The following AAK1 variants were observed in gnomAD, a reference collection of about 807,000 sequenced individuals.
The protein encoded by AAK1 is AP2-associated protein kinase 1.
Under a neutral mutation model 116.0 loss-of-function variants are expected in AAK1, and 37 were observed. That is an observed-to-expected ratio of 0.32 (90% CI 0.25 to 0.42). AAK1 has a LOEUF of 0.42. AAK1 is among the 10% of genes least tolerant of loss of function. The pLI is 1.00. For synonymous variants in AAK1, 458 were observed against 439.9 expected (o/e 1.04, Z -0.51); for missense variants, 919 against 1,170.6 (o/e 0.79, Z 3.14).
At chr2:69,520,186 C>A (rs1669699366) in intron 11 of AAK1, 1 of 219,200 alleles carries the variant, frequency 4.6e-6, no homozygotes, top group Non-Finnish European at 9.8e-6. Flanking sequence ...AGTCTTATTT[C>A]TTTAAAGGCA....
chr2:69,618,671 G>A (rs1367084389), intron 2 of AAK1, among the ~76,000 whole-genome samples: 1 of 151,562 alleles, frequency 6.6e-6, no homozygotes, highest in Non-Finnish European at 1.5e-5. Context: ...AACATTCACG[G>A]ATGCCTGTAG....
chr2:69,607,434 C>T (rs1040303602), intron 2 of AAK1, among the ~76,000 whole-genome samples: 2 of 152,078 alleles, frequency 1.3e-5, no homozygotes, highest in Admixed American at 6.6e-5. Context: ...TCTGATGATG[C>T]GTTAACACTT....
chr2:69,530,770 C>T, intron 6 of AAK1, 64 bp from the exon 7 acceptor site: 1 of 1,299,302 alleles, frequency 7.7e-7, no homozygotes, highest in Non-Finnish European at 1.1e-6. Flanking sequence ...CCAGGAGCAG[C>T]AGAAATACTT....
chr2:69,548,729 C>T (rs903672174), intron 3 of AAK1, among the ~76,000 whole-genome samples: 1 of 152,044 alleles, frequency 6.6e-6, no homozygotes, highest in Non-Finnish European at 1.5e-5. Flanking sequence ...CTCAGCCTCC[C>T]AAGTAGCTGG....
At chr2:69,580,464 A>G (rs1049242467) in intron 2 of AAK1, among the ~76,000 whole-genome samples, 1 of 152,196 alleles carries the variant, frequency 6.6e-6, no homozygotes, top group African/African-American at 2.4e-5. Flanking sequence ...CGGAAACCAT[A>G]TGGTGCCATA....
intron 3 of AAK1, among the ~76,000 whole-genome samples, chr2:69,555,414 C>G (rs541205148): frequency 6.6e-6 from 1 of 152,318 alleles, no homozygotes; most frequent in Admixed American, 6.5e-5. Flanking sequence ...TTTCAGAAGT[C>G]CAACTGCAGC....
chr2:69,485,659 CT>C (rs1178344901), intron 17 of AAK1, among the ~76,000 whole-genome samples: 2,099 of 144,566 alleles, frequency 0.015, 39 homozygotes, highest in African/African-American at 0.047. Flanking sequence ...GAAAATCTCT[CT>C]TTTTTTTTTT....
intron 2 of AAK1, among the ~76,000 whole-genome samples, chr2:69,576,458 A>G (rs1672320253): frequency 6.6e-6 from 1 of 151,944 alleles, no homozygotes. Flanking sequence ...TAAGCCCAGT[A>G]CCCAATAGTT....
chr2:69,501,062 C>G (rs928506683), intron 16 of AAK1, among the ~76,000 whole-genome samples: 3 of 152,150 alleles, frequency 2.0e-5, no homozygotes, highest in African/African-American at 7.2e-5. Context: ...CTGTGACCCT[C>G]TTTCCAGACA....
Position 69,470,190 on chromosome 2 carries a change from G to C in AAK1, c.*5679C>G, listed in dbSNP as rs1674628600. On this transcript the variant is annotated 3_prime_UTR_variant, in exon 22 of 22. Coordinates refer to ENST00000409085, the MANE Select transcript of AAK1 (RefSeq NM_014911.5). ...CCTCATACCAAAAACTGAAAGAACGGTTACAGGGAGTATCAAAGATATGAT... is the reference window on the plus strand; with the variant it reads ...CCTCATACCAAAAACTGAAAGAACGCTTACAGGGAGTATCAAAGATATGAT... 1 of 985,250 alleles carries C rather than the reference G, an allele frequency of 1.0e-6. No homozygotes were observed. 61.0% of individuals were successfully genotyped at this position (985,250 alleles called of 1,614,324 possible). A position where few individuals can be genotyped will look rare whatever the true frequency, so the allele number is the denominator to read the frequency against.
intron 8 of AAK1, among the ~76,000 whole-genome samples, chr2:69,528,265 T>C (rs945164954): frequency 3.9e-5 from 6 of 152,186 alleles, no homozygotes; most frequent in Non-Finnish European, 8.8e-5. Flanking sequence ...TTAAATGCCA[T>C]GCTAAGAAGC....
intron 9 of AAK1, among the ~76,000 whole-genome samples, chr2:69,526,117 G>A (rs1441901771): frequency 6.6e-6 from 1 of 152,198 alleles, no homozygotes; most frequent in Non-Finnish European, 1.5e-5. Flanking sequence ...TAGAAAAACT[G>A]AGCTGGTCCG....
intron 2 of AAK1, among the ~76,000 whole-genome samples, chr2:69,573,889 C>T (rs1197480698): frequency 6.6e-6 from 1 of 151,792 alleles, no homozygotes; most frequent in Non-Finnish European, 1.5e-5. Flanking sequence ...ATCTCAGCTG[C>T]TTGGGAGGCT....
intron 2 of AAK1, among the ~76,000 whole-genome samples, chr2:69,601,850 A>T (rs1673594571): frequency 6.6e-6 from 1 of 152,228 alleles, no homozygotes; most frequent in Non-Finnish European, 1.5e-5. Flanking sequence ...ATTTATATAC[A>T]AAGTATCACC....
chr2:69,634,889 A>G (rs866103325), intron 2 of AAK1, among the ~76,000 whole-genome samples: 12 of 152,184 alleles, frequency 7.9e-5, no homozygotes, highest in African/African-American at 2.9e-4. Context: ...ATGGTACAGA[A>G]CCACTGCTCT....
Position 69,514,750 on chromosome 2 carries a change from C to A in AAK1, c.1498-1G>T. The A allele has an allele frequency of 6.3e-7, 1 of 1,581,742 alleles. No homozygotes were observed. The highest frequency in any genetic ancestry group is 8.6e-7 in the Non-Finnish European group (1 of 1,162,280). On this transcript the variant is annotated splice_acceptor_variant, in intron 12 of 21. Transcript: ENST00000409085. LOFTEE classifies it high-confidence loss of function. ...GGGTTGCTGGATGTACTGCCTGAAA[C>A]TGAGCAAGAAATGAGGAGATGAATA...
intron 2 of AAK1, among the ~76,000 whole-genome samples, chr2:69,638,387 C>T (rs1675542927): frequency 6.6e-6 from 1 of 152,160 alleles, no homozygotes; most frequent in South Asian, 2.1e-4. Context: ...CTTCTGGGAC[C>T]ACTCTTTCCC....
intron 2 of AAK1, among the ~76,000 whole-genome samples, chr2:69,576,992 C>A (rs528035777): frequency 6.6e-6 from 1 of 152,368 alleles, no homozygotes; most frequent in African/African-American, 2.4e-5. Flanking sequence ...TACTTAACAG[C>A]ACATCTGTTT....
At position 69,591,505 on chromosome 2, in the gene AAK1, T is replaced by A. The variant is rs775615593; in HGVS notation, c.164-34527A>T. On this transcript the variant is annotated intron_variant, in intron 2 of 21. Coordinates refer to ENST00000409085, the MANE Select transcript of AAK1 (RefSeq NM_014911.5). ...GGTTAAAGTTGGTTCTATAATTTTT[T>A]TTTCTTTTTTTCTTTTTCTTTTTTT... Among the ~76,000 whole-genome samples, 115 of 146,978 alleles carry A rather than the reference T, an allele frequency of 7.8e-4. 2 individuals are homozygous for A. Among genetic ancestry groups the A allele is most frequent in the Admixed American group, 1.4e-3 (19 of 13,826 alleles).
Sources: allele counts gnomAD v4.1 joint callset (sites outside exome capture counted in the v4.1 genomes callset), GRCh38; gene constraint gnomAD v4.1.1; transcripts MANE v1.5; gene names NCBI Gene and HGNC (gene_info 2026-07-23, HGNC 2026-07-21).